SOS1: variants seen among roughly 807,000 people sequenced by gnomAD.
SOS1 encodes the protein SOS Ras/Rac guanine nucleotide exchange factor 1, also known as son of sevenless homolog 1.
Under a neutral mutation model 157.6 loss-of-function variants are expected in SOS1, and 25 were observed. The observed-to-expected ratio is 0.16, with a 90% CI of 0.12 to 0.22. The LOEUF (loss-of-function observed/expected upper bound fraction) is 0.22, where lower values mean the gene tolerates loss of function less well. Among genes scored for constraint, SOS1 ranks in the 10% least tolerant of loss-of-function variants. The pLI, the probability that SOS1 is intolerant of heterozygous loss-of-function variation, is 1.00. For missense variants in SOS1, 1,237 were observed against 1,599.1 expected (o/e 0.77, Z 3.86); for synonymous variants, 528 against 534.0 (o/e 0.99, Z 0.16).
intron 1 of SOS1, among the ~76,000 whole-genome samples, chr2:39,069,220 A>AAAAAAC (rs1671707003): frequency 2.1e-5 from 1 of 48,474 alleles, no homozygotes; most frequent in South Asian, 6.0e-4. Flanking sequence ...AAAAAAAAAA[A>AAAAAAC]AAAAGCCCAG....
intron 6 of SOS1, among the ~76,000 whole-genome samples, chr2:39,043,880 T>C (rs570995830): frequency 2.0e-5 from 3 of 152,326 alleles, no homozygotes; most frequent in South Asian, 4.1e-4. Flanking sequence ...TGGGGACACA[T>C]TGAAACCACA....
intron 1 of SOS1, among the ~76,000 whole-genome samples, chr2:39,110,771 T>C (rs1335152304): frequency 5.3e-5 from 8 of 152,126 alleles, no homozygotes; most frequent in Non-Finnish European, 1.0e-4. Flanking sequence ...AGCAATAACC[T>C]TAAAAGAAAA....
At chr2:39,095,644 A>C (rs1672743955) in intron 1 of SOS1, among the ~76,000 whole-genome samples, 1 of 152,230 alleles carries the variant, frequency 6.6e-6, no homozygotes, top group African/African-American at 2.4e-5. Context: ...AATTAAAATG[A>C]TGAAAACACA....
chr2:39,025,068 T>C (rs1407457519), intron 8 of SOS1, among the ~76,000 whole-genome samples: 1 of 152,198 alleles, frequency 6.6e-6, no homozygotes, highest in African/African-American at 2.4e-5. Flanking sequence ...AATTCACTCA[T>C]ACATCTTAAA....
chr2:39,054,828 ACAGT>A lies in SOS1; in HGVS notation c.511-9_511-6del, dbSNP rs986512473. ...ATGAAACATATCCATCAATACCTAT[ACAGT>A]CAGAGATATAAAAAAGTATAATAAA... On this transcript the variant is annotated splice_polypyrimidine_tract_variant and splice_region_variant and intron_variant, in intron 4 of 22. Coordinates refer to ENST00000402219, the MANE Select transcript of SOS1 (RefSeq NM_005633.4). The A allele has an allele frequency of 2.5e-5, 32 of 1,255,830 alleles. No homozygotes were observed. Among genetic ancestry groups the A allele is most frequent in the African/African-American group, 1.0e-4 (7 of 67,910 alleles). 77.8% of individuals were successfully genotyped at this position (1,255,830 alleles called of 1,614,324 possible).
chr2:39,025,579 C>T (rs1160326690), intron 8 of SOS1, among the ~76,000 whole-genome samples: 1 of 151,570 alleles, frequency 6.6e-6, no homozygotes, highest in Non-Finnish European at 1.5e-5. Flanking sequence ...AGGCTGGTCT[C>T]AAACTCCTGA....
At chr2:39,106,133 T>A (rs1196923576) in intron 1 of SOS1, among the ~76,000 whole-genome samples, 2 of 151,446 alleles carry the variant, frequency 1.3e-5, no homozygotes, top group African/African-American at 2.4e-5. Flanking sequence ...TGTGGGAGGT[T>A]CACTTGAGCC....
At chr2:39,021,217 G>C (rs1395336468) in intron 10 of SOS1, among the ~76,000 whole-genome samples, 3 of 151,538 alleles carry the variant, frequency 2.0e-5, no homozygotes, top group African/African-American at 7.3e-5. Flanking sequence ...ATTAAGGAAA[G>C]AAGACTTTCA....
At chr2:39,053,635 C>T (rs75222451) in intron 5 of SOS1, among the ~76,000 whole-genome samples, 3 of 152,156 alleles carry the variant, frequency 2.0e-5, no homozygotes, top group African/African-American at 7.2e-5. Flanking sequence ...AGCACTGTTT[C>T]TCTTATCAGT....
intron 1 of SOS1, among the ~76,000 whole-genome samples, chr2:39,072,987 G>A (rs2148151060): frequency 6.6e-6 from 1 of 152,300 alleles, no homozygotes; most frequent in African/African-American, 2.4e-5. Context: ...CTTTCAAGAA[G>A]ATGCTGTTAG....
Position 39,120,331 on chromosome 2 carries a change from C to T in SOS1, c.87+5G>A. Reference sequence around the variant, plus strand: ...CCGGGAAGCGGGGTCCCGCGTGCTCCTCACCTTTTTCAGCGCAGGCACCAG... The same window carrying T: ...CCGGGAAGCGGGGTCCCGCGTGCTCTTCACCTTTTTCAGCGCAGGCACCAG... On this transcript the variant is annotated splice_donor_5th_base_variant and intron_variant, in intron 1 of 22. Coordinates refer to ENST00000402219, the MANE Select transcript of SOS1 (RefSeq NM_005633.4). The T allele has an allele frequency of 6.3e-7, 1 of 1,581,446 alleles. No individual in the cohort carries two copies. The highest frequency in any genetic ancestry group is 1.7e-5 in the Admixed American group (1 of 58,240).
At chr2:39,097,583 G>C (rs1269467170) in intron 1 of SOS1, among the ~76,000 whole-genome samples, 3 of 151,216 alleles carry the variant, frequency 2.0e-5, no homozygotes, top group Non-Finnish European at 4.4e-5. Context: ...ATTGAGATGG[G>C]GTCTCGCTCT....
chr2:39,092,267 A>G (rs1411989505), intron 1 of SOS1, among the ~76,000 whole-genome samples: 1 of 152,044 alleles, frequency 6.6e-6, no homozygotes, highest in Non-Finnish European at 1.5e-5. Flanking sequence ...TGGGAGGATC[A>G]TGGCTCACTG....
chr2:38,995,054 A>G, intron 20 of SOS1, 69 bp downstream of exon 20: 2 of 1,325,558 alleles, frequency 1.5e-6, no homozygotes, highest in Non-Finnish European at 1.1e-6. Flanking sequence ...AATAACAGAG[A>G]TTCTTTTTTA....
intron 13 of SOS1, 51 bp from the exon 14 acceptor site, chr2:39,012,399 T>G: frequency 1.2e-6 from 1 of 832,688 alleles, no homozygotes; most frequent in Non-Finnish European, 1.7e-6. Flanking sequence ...TATTTAATAT[T>G]TTATATTTTA....
intron 19 of SOS1, 58 bp from the exon 20 acceptor site, chr2:38,995,445 T>A: frequency 1.5e-6 from 2 of 1,362,264 alleles, no homozygotes; most frequent in Non-Finnish European, 2.1e-6. Flanking sequence ...AAGGAAAGTT[T>A]TTCTATATGT....
At chr2:39,090,876 G>T (rs1461122367) in intron 1 of SOS1, among the ~76,000 whole-genome samples, 2 of 151,940 alleles carry the variant, frequency 1.3e-5, no homozygotes, top group African/African-American at 4.8e-5. Context: ...TGTTTTGTTT[G>T]TTTGTTTTTT....
intron 1 of SOS1, among the ~76,000 whole-genome samples, chr2:39,105,664 G>A (rs966404873): frequency 4.6e-5 from 7 of 151,976 alleles, no homozygotes; most frequent in Admixed American, 6.6e-5. Flanking sequence ...TTGGGAGGCC[G>A]AGGTGGGTAG....
At chr2:38,997,961 G>A (rs948798176) in intron 17 of SOS1, among the ~76,000 whole-genome samples, 13 of 152,180 alleles carry the variant, frequency 8.5e-5, no homozygotes, top group Non-Finnish European at 1.6e-4. Context: ...GTTATGATTT[G>A]CAATTGAGAA....
Sources: gnomAD v4.1 joint callset for allele counts (sites outside exome capture counted in the v4.1 genomes callset) on GRCh38, gnomAD v4.1.1 for gene constraint, MANE v1.5 for transcripts, NCBI Gene and HGNC (gene_info 2026-07-23, HGNC 2026-07-21) for gene names.